VPS72: variants seen among roughly 807,000 people sequenced by gnomAD.
The protein encoded by VPS72 is vacuolar protein sorting-associated protein 72 homolog.
Under a neutral mutation model 38.9 loss-of-function variants are expected in VPS72, and 27 were observed. The observed-to-expected ratio is 0.69, with a 90% CI of 0.51 to 0.96. The LOEUF (loss-of-function observed/expected upper bound fraction) is 0.96, where lower values mean the gene tolerates loss of function less well. VPS72 is among the 40% of genes least tolerant of loss of function. The pLI, the probability that VPS72 is intolerant of heterozygous loss-of-function variation, is 0.00. For synonymous variants in VPS72, 173 were observed against 186.3 expected (o/e 0.93, Z 0.58); for missense variants, 360 against 479.5 (o/e 0.75, Z 2.33).
At chr1:151,177,891 G>GAAA in intron 5 of VPS72, 110 bp downstream of exon 5, 1 of 1,283,830 alleles carries the variant, frequency 7.8e-7, no homozygotes. Context: ...TTAGGAATCT[G>GAAA]AAAGAAATCT....
chr1:151,186,749 C>T (rs587690949), intron 1 of VPS72, among the ~76,000 whole-genome samples: 4 of 152,288 alleles, frequency 2.6e-5, no homozygotes, highest in Admixed American at 6.5e-5. Flanking sequence ...TTTTCTCTGT[C>T]AAGAAACCTT....
chr1:151,188,876 G>A (rs1355310518), intron 1 of VPS72, among the ~76,000 whole-genome samples: 1 of 152,112 alleles, frequency 6.6e-6, no homozygotes, highest in Admixed American at 6.6e-5. Context: ...TGTCGCCCAG[G>A]CTGGAGTGCA....
intron 4 of VPS72, among the ~76,000 whole-genome samples, chr1:151,184,065 T>C (rs1684294885): frequency 6.6e-6 from 1 of 152,148 alleles, no homozygotes; most frequent in Non-Finnish European, 1.5e-5. Context: ...TTAAAGCAAA[T>C]GAATAGCAGA....
intron 3 of VPS72, among the ~76,000 whole-genome samples, chr1:151,185,102 C>T (rs587683380): frequency 6.6e-6 from 1 of 152,162 alleles, no homozygotes; most frequent in South Asian, 2.1e-4. Flanking sequence ...GATTTTCCTA[C>T]CCATAGTAAG....
intron 4 of VPS72, among the ~76,000 whole-genome samples, chr1:151,180,731 T>C (rs1425092330): frequency 6.6e-6 from 1 of 152,156 alleles, no homozygotes; most frequent in Non-Finnish European, 1.5e-5. Context: ...CCACCACGCC[T>C]GGCCCAACCC....
At chr1:151,189,487 G>C (rs1475896848) in intron 1 of VPS72, among the ~76,000 whole-genome samples, 1 of 152,102 alleles carries the variant, frequency 6.6e-6, no homozygotes, top group Non-Finnish European at 1.5e-5. Flanking sequence ...GAAATAAATG[G>C]GGACACTTGT....
chr1:151,185,641 G>A (rs1684332945), intron 2 of VPS72, 21 bp from the exon 3 acceptor site: 1 of 1,612,860 alleles, frequency 6.2e-7, no homozygotes, highest in Non-Finnish European at 8.5e-7. Context: ...ATTGGAATCA[G>A]ATACTGGGGA....
At chr1:151,185,008 G>C (rs587728214) in intron 3 of VPS72, among the ~76,000 whole-genome samples, 10 of 152,142 alleles carry the variant, frequency 6.6e-5, no homozygotes, top group African/African-American at 1.9e-4. Context: ...GTTTTTTTCT[G>C]AATGATCTAA....
At chr1:151,180,127 TG>T (rs1684207844) in intron 4 of VPS72, among the ~76,000 whole-genome samples, 1 of 151,930 alleles carries the variant, frequency 6.6e-6, no homozygotes, top group Admixed American at 6.6e-5. Context: ...GAGACAGACC[TG>T]GTCAACATGG....
chr1:151,186,564 G>GAA (rs111448120), intron 1 of VPS72, among the ~76,000 whole-genome samples: 2 of 86,924 alleles, frequency 2.3e-5, no homozygotes, highest in Non-Finnish European at 5.0e-5. Flanking sequence ...GTCTCAAAAA[G>GAA]AAAAAAAAAA....
chr1:151,183,147 C>G (rs587608739), intron 4 of VPS72, among the ~76,000 whole-genome samples: 1 of 152,016 alleles, frequency 6.6e-6, no homozygotes, highest in Non-Finnish European at 1.5e-5. Context: ...GGAATTGCCG[C>G]GGGGTGGCCC....
chr1:151,180,927 T>C (rs889275072), intron 4 of VPS72, among the ~76,000 whole-genome samples: 3 of 152,122 alleles, frequency 2.0e-5, no homozygotes, highest in Admixed American at 2.0e-4. Context: ...TTCTCTTACA[T>C]CCCTACAGGA....
Position 151,176,418 on chromosome 1 carries a change from C to A in VPS72, c.*226G>T. 1 of 634,776 alleles carries A rather than the reference C, an allele frequency of 1.6e-6. No individual in the cohort carries two copies. Among genetic ancestry groups the A allele is most frequent in the Non-Finnish European group, 2.6e-6 (1 of 387,310 alleles). The allele number at this position is 634,776 out of a possible 1,614,324, so 39.3% of individuals were successfully genotyped here. On this transcript the variant is annotated 3_prime_UTR_variant, in exon 6 of 6. Coordinates refer to ENST00000368892, the MANE Select transcript of VPS72 (RefSeq NM_005997.3). ...AAAGACCCAAATATATGCAGGTATT[C>A]AAATACTTCTTGCTCCCAACCCTAG...
intron 5 of VPS72, 38 bp downstream of exon 5, chr1:151,177,963 T>C (rs1447612734): frequency 5.0e-6 from 8 of 1,605,238 alleles, no homozygotes; most frequent in Non-Finnish European, 6.8e-6. Flanking sequence ...GAACATGAGC[T>C]GAACACACAA....
intron 2 of VPS72, 61 bp downstream of exon 2, chr1:151,185,737 A>G (rs953479161): frequency 3.1e-6 from 5 of 1,611,302 alleles, no homozygotes; most frequent in Non-Finnish European, 3.4e-6. Context: ...GAGTACTGGG[A>G]CCTGATGAAA....
intron 1 of VPS72, among the ~76,000 whole-genome samples, chr1:151,189,453 C>A (rs1684416040): frequency 6.6e-6 from 1 of 152,142 alleles, no homozygotes; most frequent in South Asian, 2.1e-4. Context: ...AATCTAATTG[C>A]AAATTGAAAT....
At position 151,176,990 on chromosome 1, in the gene VPS72, G is replaced by C; in HGVS notation, c.749C>G (p.Ala250Gly). The change falls in exon 6 of 6, where the codon GCT becomes GGT. Residue 250 changes from alanine to glycine, a missense_variant. Coordinates refer to ENST00000368892, the MANE Select transcript of VPS72 (RefSeq NM_005997.3). ...APSVSALTPH[A>G]GTGPVNPPAR... ...AGGGGGGTTGACGGGTCCAGTCCCA[G>C]CATGAGGAGTCAATGCAGACACCGA... 1 of 1,594,392 alleles carries C rather than the reference G, an allele frequency of 6.3e-7. No individual in the cohort carries two copies. Among genetic ancestry groups the C allele is most frequent in the African/African-American group, 1.3e-5 (1 of 74,678 alleles).
At chr1:151,180,627 G>A (rs774981707) in intron 4 of VPS72, among the ~76,000 whole-genome samples, 15 of 152,098 alleles carry the variant, frequency 9.9e-5, no homozygotes, top group East Asian at 5.8e-4. Context: ...TAGTAGAGAC[G>A]GGGTTTCACC....
chr1:151,184,592 T>C, intron 3 of VPS72, 99 bp from the exon 4 acceptor site: 1 of 1,117,190 alleles, frequency 9.0e-7, no homozygotes, highest in Non-Finnish European at 1.2e-6. Context: ...TTTTTTTTCT[T>C]TTTTTTTTTT....
Sources: allele counts gnomAD v4.1 joint callset (sites outside exome capture counted in the v4.1 genomes callset), GRCh38; gene constraint gnomAD v4.1.1; transcripts MANE v1.5; gene names NCBI Gene and HGNC (gene_info 2026-07-23, HGNC 2026-07-21).